The following DOP1B variants were observed in gnomAD, a reference collection of about 807,000 sequenced individuals.
The protein encoded by DOP1B is protein DOP1B.
DOP1B carries 174 observed loss-of-function variants against 233.5 expected under a neutral mutation model. That is an observed-to-expected ratio of 0.75 (90% CI 0.66 to 0.85). The LOEUF is 0.85. Ranked by LOEUF, DOP1B falls within the 40% of genes least tolerant of loss-of-function variation. The probability of loss-of-function intolerance (pLI) is 0.00; values close to 1 mark genes in which losing one functional copy is unlikely to be tolerated. For missense variants in DOP1B, 2,652 were observed against 2,846.6 expected (o/e 0.93, Z 1.56); for synonymous variants, 1,190 against 1,185.6 (o/e 1.00, Z -0.08).
intron 32 of DOP1B, among the ~76,000 whole-genome samples, chr21:36,282,728 C>T (rs919869242): frequency 9.2e-5 from 14 of 152,136 alleles, no homozygotes; most frequent in African/African-American, 3.4e-4. Flanking sequence ...GTAATCCCAG[C>T]ACTTTCAGAG....
chr21:36,287,719 TG>T (rs1462002616), intron 32 of DOP1B, among the ~76,000 whole-genome samples: 4 of 150,742 alleles, frequency 2.7e-5, no homozygotes, highest in African/African-American at 7.3e-5. Context: ...CCCAAGTAGC[TG>T]GGACTACAGG....
intron 35 of DOP1B, among the ~76,000 whole-genome samples, chr21:36,291,546 C>T (rs979789964): frequency 2.0e-5 from 3 of 152,158 alleles, no homozygotes; most frequent in African/African-American, 4.8e-5. Flanking sequence ...GGCGACAGAA[C>T]GAGACTGTCT....
At chr21:36,216,763 G>A (rs1328359772) in intron 9 of DOP1B, among the ~76,000 whole-genome samples, 3 of 152,042 alleles carry the variant, frequency 2.0e-5, no homozygotes, top group Non-Finnish European at 2.9e-5. Context: ...CCTCCTGGTA[G>A]CTGTTTGCAG....
chr21:36,259,654 G>A (rs1269608697), intron 23 of DOP1B, among the ~76,000 whole-genome samples: 1 of 152,166 alleles, frequency 6.6e-6, no homozygotes, highest in East Asian at 1.9e-4. Context: ...CTTGGTCGCC[G>A]TAGAACCAAG....
rs750441844 is a variant in DOP1B, at chr21:36,288,039, T to C, written c.6186T>C (p.Val2062=). 5.6e-6 allele frequency: 9 copies of C among 1,613,934 alleles called. No individual in the cohort carries two copies. In the African/African-American group the frequency reaches 1.1e-4, roughly 19 times the overall value. The change falls in exon 33 of 37, where the codon GTT becomes GTC. Residue 2062 remains valine (V), a synonymous_variant. Coordinates refer to ENST00000691173, the MANE Select transcript of DOP1B (RefSeq NM_001320714.2). ...AACGCCTGACAGACAATCTCAGAGT[T>C]GGACAGACATCCATAGTTGCTGCTC... ...IQERLTDNLR[V]GQTSIVAAQM...
At chr21:36,157,998 T>C (rs1486909349) in intron 1 of DOP1B, among the ~76,000 whole-genome samples, 1 of 152,188 alleles carries the variant, frequency 6.6e-6, no homozygotes, top group African/African-American at 2.4e-5. Flanking sequence ...AAGGTCTCAT[T>C]ATGTTGCCCA....
chr21:36,190,132 A>C (rs1320550523), intron 2 of DOP1B, among the ~76,000 whole-genome samples: 1 of 152,078 alleles, frequency 6.6e-6, no homozygotes, highest in Admixed American at 6.6e-5. Flanking sequence ...AGCCTGGCCA[A>C]AATGGTGAAA....
chr21:36,205,075 T>C (rs1337356346), intron 4 of DOP1B, among the ~76,000 whole-genome samples: 1 of 152,238 alleles, frequency 6.6e-6, no homozygotes, highest in East Asian at 1.9e-4. Context: ...AGGGTGCTGT[T>C]GTCACTGCCC....
chr21:36,181,858 T>G (rs536708801), intron 2 of DOP1B, among the ~76,000 whole-genome samples: 1 of 152,356 alleles, frequency 6.6e-6, no homozygotes, highest in Admixed American at 6.5e-5. Context: ...CTGTAGTGTT[T>G]CACCATCATC....
Position 36,239,763 on chromosome 21 carries a change from A to G in DOP1B, c.2877-2A>G. ...AACTCACTGGTGTGTTTCCCACTGC[A>G]GGTCCTTGTTTGTCGTGCTGGACAG... On this transcript the variant is annotated splice_acceptor_variant, in intron 17 of 36. Transcript: ENST00000691173. LOFTEE classifies it high-confidence loss of function. 1 of 1,531,308 alleles carries G rather than the reference A, an allele frequency of 6.5e-7. No homozygotes were observed. The highest frequency in any genetic ancestry group is 8.8e-7 in the Non-Finnish European group (1 of 1,136,342). 94.9% of individuals were successfully genotyped at this position (1,531,308 alleles called of 1,614,324 possible).
chr21:36,208,823 A>C lies in DOP1B; in HGVS notation c.600A>C (p.Ser200=). ...LASPSIRLPA[S]VFVVGHINRD... ...GCCCGTCCATCCGCCTCCCTGCCTC[A>C]GTCTTCGTGGTGGGCCACATCAACA... The change falls in exon 5 of 37, where the codon TCA becomes TCC. Residue 200 remains serine, a synonymous_variant. Transcript: ENST00000691173. 6.2e-7 allele frequency: 1 copy of C among 1,604,184 alleles called. No homozygotes were observed. The highest frequency in any genetic ancestry group is 8.5e-7 in the Non-Finnish European group (1 of 1,175,224).
intron 2 of DOP1B, among the ~76,000 whole-genome samples, chr21:36,187,274 G>A (rs1463446674): frequency 9.0e-6 from 1 of 111,098 alleles, no homozygotes; most frequent in Non-Finnish European, 1.8e-5. Flanking sequence ...TTCATCGTCT[G>A]TGGGGAGAAT....
At chr21:36,184,876 G>A (rs560375648) in intron 2 of DOP1B, among the ~76,000 whole-genome samples, 3 of 152,182 alleles carry the variant, frequency 2.0e-5, no homozygotes, top group Admixed American at 6.5e-5. Context: ...GAAGGCCTCT[G>A]GGAGTTCTCT....
In DOP1B at chr21:36,246,491, T is replaced by C. The variant is rs766743225; in HGVS notation, c.4511T>C (p.Val1504Ala). 1 of 1,613,964 alleles carries C rather than the reference T, an allele frequency of 6.2e-7. No homozygotes were observed. The highest frequency in any genetic ancestry group is 8.5e-7 in the Non-Finnish European group (1 of 1,180,024). Residue 1504 changes from valine (V) to alanine (A), a missense_variant, in exon 19 of 37, where the codon GTG (valine) becomes GCG (alanine). Physicochemically the swap from Val to Ala is moderately conservative, Grantham distance 64 (BLOSUM62 0). This residue lies in a region of DOP1B where 2,617 missense variants were observed against 2,794.3 expected (regional missense o/e 0.94). Transcript: ENST00000691173. This position sits in a 1 kb window ranked among gnomAD's most constrained non-coding sequence, Gnocchi z 5.1. ...CAGGGTCTTCTGGTCTCTGCGGTGG[T>C]GAGGGGTCTGCAGCCCGCCTACGGT... ...TSQGLLVSAVVRGLQPAYGYG... is the reference protein window; with the variant it reads ...TSQGLLVSAVARGLQPAYGYG...
intron 4 of DOP1B, among the ~76,000 whole-genome samples, chr21:36,204,612 G>T (rs1163011026): frequency 6.7e-6 from 1 of 150,252 alleles, no homozygotes; most frequent in African/African-American, 2.4e-5. Flanking sequence ...GCCTTCCAAA[G>T]CACTGAGATT....
At chr21:36,250,865 G>A (rs879610393) in intron 21 of DOP1B, among the ~76,000 whole-genome samples, 1 of 152,098 alleles carries the variant, frequency 6.6e-6, no homozygotes, top group South Asian at 2.1e-4. Flanking sequence ...GATATTCATC[G>A]TCTCCCGAGA....
At chr21:36,285,867 G>A (rs938220033) in intron 32 of DOP1B, among the ~76,000 whole-genome samples, 1 of 152,042 alleles carries the variant, frequency 6.6e-6, no homozygotes, top group African/African-American at 2.4e-5. Flanking sequence ...AGTTAGCTGA[G>A]CATGGTTTCA....
intron 32 of DOP1B, among the ~76,000 whole-genome samples, chr21:36,282,902 G>A (rs1027955322): frequency 6.6e-6 from 1 of 151,978 alleles, no homozygotes; most frequent in African/African-American, 2.4e-5. Context: ...CTTGAACCTG[G>A]TAGGCACTGA....
intron 2 of DOP1B, chr21:36,170,349 G>A: frequency 3.9e-6 from 1 of 254,914 alleles, no homozygotes; most frequent in South Asian, 4.2e-5. Context: ...TGTAATCCCA[G>A]CACTCTGGGA....
Sources: gnomAD v4.1 joint callset for allele counts (sites outside exome capture counted in the v4.1 genomes callset) on GRCh38, gnomAD v4.1.1 for gene constraint, gnomAD v4.1.1 regional missense constraint, Gnocchi (gnomAD v3.1) non-coding constraint, MANE v1.5 for transcripts, NCBI Gene and HGNC (gene_info 2026-07-23, HGNC 2026-07-21) for gene names.